The following ATXN7L1 variants were observed in gnomAD, a reference collection of about 807,000 sequenced individuals.
ATXN7L1 encodes ataxin-7-like protein 1.
Under a neutral mutation model 70.8 loss-of-function variants are expected in ATXN7L1, and 15 were observed. The observed-to-expected ratio is 0.21, with a 90% CI of 0.14 to 0.33. The LOEUF (loss-of-function observed/expected upper bound fraction) is 0.33. Ranked by LOEUF, ATXN7L1 falls within the 10% of genes least tolerant of loss-of-function variation. The probability of loss-of-function intolerance (pLI) is 1.00; values close to 1 mark genes in which losing one functional copy is unlikely to be tolerated. For synonymous variants in ATXN7L1, 440 were observed against 445.1 expected (o/e 0.99, Z 0.14); for missense variants, 975 against 1,097.1 (o/e 0.89, Z 1.57).
intron 3 of ATXN7L1, among the ~76,000 whole-genome samples, chr7:105,758,639 G>A (rs1252347101): frequency 6.6e-6 from 1 of 152,184 alleles, no homozygotes; most frequent in East Asian, 1.9e-4. Context: ...CTGTGCCTAG[G>A]CCTCCCTGGC....
chr7:105,770,051 C>T (rs1313640231), intron 3 of ATXN7L1, among the ~76,000 whole-genome samples: 3 of 152,228 alleles, frequency 2.0e-5, no homozygotes, highest in Admixed American at 2.0e-4. Flanking sequence ...GAAACACGTG[C>T]ACTGCAGAAT....
At chr7:105,626,439 T>C (rs766892270) in intron 7 of ATXN7L1, among the ~76,000 whole-genome samples, 1 of 152,264 alleles carries the variant, frequency 6.6e-6, no homozygotes, top group Non-Finnish European at 1.5e-5. Context: ...ATTGTGAATG[T>C]ATTTAATGCC....
intron 3 of ATXN7L1, among the ~76,000 whole-genome samples, chr7:105,771,247 T>G: frequency 7.3e-6 from 1 of 136,394 alleles, no homozygotes; most frequent in African/African-American, 2.8e-5. Context: ...AATACAGACC[T>G]ACTGAATTGA....
At chr7:105,840,611 C>T (rs565737537) in intron 2 of ATXN7L1, among the ~76,000 whole-genome samples, 38 of 152,088 alleles carry the variant, frequency 2.5e-4, no homozygotes, top group Non-Finnish European at 4.7e-4. Flanking sequence ...ACACATACTG[C>T]CCCCCAGAGC....
chr7:105,728,356 G>C (rs1308574316), intron 3 of ATXN7L1, among the ~76,000 whole-genome samples: 1 of 152,132 alleles, frequency 6.6e-6, no homozygotes, highest in Non-Finnish European at 1.5e-5. Flanking sequence ...TATTGGAACT[G>C]AACAATTAAG....
chr7:105,819,828 C>A (rs78689278), intron 2 of ATXN7L1: 8,914 of 627,770 alleles, frequency 0.014, 379 homozygotes, highest in East Asian at 0.12. Context: ...CGCCCTATGA[C>A]ATGAAAAAGC....
intron 3 of ATXN7L1, among the ~76,000 whole-genome samples, chr7:105,736,522 T>C (rs1563052108): frequency 6.6e-6 from 1 of 152,182 alleles, no homozygotes; most frequent in Non-Finnish European, 1.5e-5. Flanking sequence ...TGGAACACGT[T>C]TAAGGCTCTG....
chr7:105,797,542 C>A (rs1806175603), intron 2 of ATXN7L1, among the ~76,000 whole-genome samples: 1 of 152,236 alleles, frequency 6.6e-6, no homozygotes, highest in Non-Finnish European at 1.5e-5. Flanking sequence ...AAATGCAGTG[C>A]CTGCTTGCTG....
chr7:105,653,979 T>C (rs1205618383), intron 4 of ATXN7L1, among the ~76,000 whole-genome samples: 1 of 152,210 alleles, frequency 6.6e-6, no homozygotes, highest in East Asian at 1.9e-4. Context: ...GCACTCATCA[T>C]GTCCTATGGC....
chr7:105,764,513 A>G lies in ATXN7L1; in HGVS notation c.355+24091T>C, dbSNP rs549870831. ...CAAGCCCTCCAGGGGATTCTGACAC[A>G]TGACTACAAGTTGCGTATCACTGAC... is the stretch of plus-strand genomic sequence containing the variant. On this transcript the variant is annotated intron_variant, in intron 3 of 11. Transcript: ENST00000419735. Among the ~76,000 whole-genome samples, 4 of 152,322 alleles carry G rather than the reference A, an allele frequency of 2.6e-5. No homozygotes were observed. In the East Asian group the frequency reaches 5.8e-4, roughly 22 times the overall value.
chr7:105,758,309 A>G (rs1800060361), intron 3 of ATXN7L1, among the ~76,000 whole-genome samples: 1 of 152,196 alleles, frequency 6.6e-6, no homozygotes, highest in Non-Finnish European at 1.5e-5. Context: ...TGTTACATCC[A>G]TGACGGTGAT....
At chr7:105,860,000 C>G (rs1339469414) in intron 2 of ATXN7L1, among the ~76,000 whole-genome samples, 1 of 149,906 alleles carries the variant, frequency 6.7e-6, no homozygotes, top group Non-Finnish European at 1.5e-5. Flanking sequence ...CCAGGCTGGT[C>G]TCGAACTCCT....
rs558359215 is a variant in ATXN7L1, at chr7:105,858,708, T to G, written c.250+17104A>C. On this transcript the variant is annotated intron_variant, in intron 2 of 11. Coordinates refer to ENST00000419735, the MANE Select transcript of ATXN7L1 (RefSeq NM_020725.2). The stretch of plus-strand genomic sequence containing the variant: ...GCTTAATGAAGCACTCAGAATCACC[T>G]GGGACACATTTGCACCAAAATGTTG... Among the ~76,000 whole-genome samples the G allele has an allele frequency of 6.6e-5, 10 of 152,266 alleles. No individual in the cohort carries two copies. The South Asian group carries it at 1.9e-3, about 28-fold the overall frequency.
intron 3 of ATXN7L1, among the ~76,000 whole-genome samples, chr7:105,745,522 A>G (rs755778548): frequency 1.1e-4 from 17 of 152,154 alleles, no homozygotes; most frequent in Non-Finnish European, 2.1e-4. Context: ...ATAATTTGAA[A>G]CTTCTGGGTG....
chr7:105,758,147 G>A (rs1377104594), intron 3 of ATXN7L1, among the ~76,000 whole-genome samples: 1 of 152,132 alleles, frequency 6.6e-6, no homozygotes, highest in Non-Finnish European at 1.5e-5. Context: ...AAGAGCTATG[G>A]TGGAATGAAA....
chr7:105,636,455 C>T lies in ATXN7L1; in HGVS notation c.1202+1898G>A, dbSNP rs1022402755. Among the ~76,000 whole-genome samples, 19 of 149,364 alleles carry T rather than the reference C, an allele frequency of 1.3e-4. 1 individual carries two copies. In the East Asian group the frequency reaches 3.3e-3, roughly 26 times the overall value. On this transcript the variant is annotated intron_variant, in intron 7 of 11. Transcript: ENST00000419735. Reference sequence around the variant, plus strand: ...GTGTAATGTGTTCCTCTGCCCCCCCCACCCCCACTTCTTTTCCAGAAACAT... The same window carrying T: ...GTGTAATGTGTTCCTCTGCCCCCCCTACCCCCACTTCTTTTCCAGAAACAT...
In ATXN7L1 at chr7:105,727,569, T is replaced by C. The variant is rs544947969; in HGVS notation, c.355+61035A>G. ...CTGTAATACCAGCTACTTGGGAGGC[T>C]GAGGCATGAGAATTGCTTGAATCCT... On this transcript the variant is annotated intron_variant, in intron 3 of 11. Coordinates refer to ENST00000419735, the MANE Select transcript of ATXN7L1 (RefSeq NM_020725.2). Among the ~76,000 whole-genome samples, 3 of 149,092 alleles carry C rather than the reference T, an allele frequency of 2.0e-5. No homozygotes were observed. In the South Asian group the frequency reaches 6.4e-4, roughly 32 times the overall value.
chr7:105,707,317 G>A (rs748045850), intron 3 of ATXN7L1, among the ~76,000 whole-genome samples: 1 of 152,190 alleles, frequency 6.6e-6, no homozygotes, highest in African/African-American at 2.4e-5. Flanking sequence ...AAGAAGTGGA[G>A]GTCCTGAGAG....
chr7:105,607,644 G>C lies in ATXN7L1; in HGVS notation c.*208C>G. On this transcript the variant is annotated 3_prime_UTR_variant, in exon 12 of 12. Coordinates refer to ENST00000419735, the MANE Select transcript of ATXN7L1 (RefSeq NM_020725.2). ...ACAGCGGAAACCAAACACTGGAACTGTTTTCTGTAAATCTCAAATTCACCT... is the reference window on the plus strand; with the variant it reads ...ACAGCGGAAACCAAACACTGGAACTCTTTTCTGTAAATCTCAAATTCACCT... 1.7e-6 allele frequency: 1 copy of C among 577,762 alleles called. No homozygotes were observed. The highest frequency in any genetic ancestry group is 3.1e-6 in the Non-Finnish European group (1 of 321,912). The allele number at this position is 577,762 out of a possible 1,614,324, so 35.8% of individuals were successfully genotyped here. A position where few individuals can be genotyped will look rare whatever the true frequency, so the allele number is the denominator to read the frequency against.
Sources: gnomAD v4.1 joint callset for allele counts (sites outside exome capture counted in the v4.1 genomes callset) on GRCh38, gnomAD v4.1.1 for gene constraint, MANE v1.5 for transcripts, NCBI Gene and HGNC (gene_info 2026-07-23, HGNC 2026-07-21) for gene names.